The following XKR4 variants were observed in gnomAD, a reference collection of about 807,000 sequenced individuals.
The protein encoded by XKR4 is XK-related protein 4.
XKR4 carries 12 observed loss-of-function variants against 53.9 expected under a neutral mutation model. That is an observed-to-expected ratio of 0.22 (90% CI 0.14 to 0.36). The LOEUF (loss-of-function observed/expected upper bound fraction) is 0.36, where lower values mean the gene tolerates loss of function less well. XKR4 is among the 10% of genes least tolerant of loss of function. The pLI is 1.00. For missense variants in XKR4, 799 were observed against 859.5 expected, an observed-to-expected ratio of 0.93 and a Z score of 0.88; for synonymous variants, 354 against 362.4, an observed-to-expected ratio of 0.98 and a Z score of 0.26.
At chr8:55,388,990 G>C (rs1804395473) in intron 2 of XKR4, among the ~76,000 whole-genome samples, 1 of 152,218 alleles carries the variant, frequency 6.6e-6, no homozygotes, top group Non-Finnish European at 1.5e-5. Flanking sequence ...AATTAGCTAA[G>C]ATGAGGTGAT....
At chr8:55,129,603 C>A (rs927577945) in intron 1 of XKR4, among the ~76,000 whole-genome samples, 1 of 152,096 alleles carries the variant, frequency 6.6e-6, no homozygotes, top group Non-Finnish European at 1.5e-5. Flanking sequence ...GAGTGGTGGA[C>A]AGACTCGGGG....
chr8:55,115,974 G>A (rs1287607181), intron 1 of XKR4, among the ~76,000 whole-genome samples: 1 of 152,222 alleles, frequency 6.6e-6, no homozygotes, highest in Non-Finnish European at 1.5e-5. Flanking sequence ...CACAACAGTG[G>A]TGGATGCTGA....
intron 1 of XKR4, among the ~76,000 whole-genome samples, chr8:55,264,365 T>G (rs974335218): frequency 6.6e-6 from 1 of 152,258 alleles, no homozygotes; most frequent in Non-Finnish European, 1.5e-5. Context: ...AACAGAAATT[T>G]TGCCTATTTT....
At chr8:55,353,708 C>CA (rs750889970) in intron 1 of XKR4, among the ~76,000 whole-genome samples, 1 of 152,128 alleles carries the variant, frequency 6.6e-6, no homozygotes, top group Non-Finnish European at 1.5e-5. Flanking sequence ...GCCTGGCAGT[C>CA]AGAGAATCAG....
intron 1 of XKR4, among the ~76,000 whole-genome samples, chr8:55,269,487 A>G (rs1818657658): frequency 6.6e-6 from 1 of 152,194 alleles, no homozygotes; most frequent in African/African-American, 2.4e-5. Flanking sequence ...ATAAAAATAT[A>G]CATTTATATG....
intron 2 of XKR4, among the ~76,000 whole-genome samples, chr8:55,514,947 T>A (rs1271020479): frequency 1.3e-5 from 2 of 152,174 alleles, no homozygotes; most frequent in Admixed American, 1.3e-4. Flanking sequence ...TCTTGAGAAA[T>A]TTTAATAAAA....
At chr8:55,173,462 C>T (rs372795850) in intron 1 of XKR4, among the ~76,000 whole-genome samples, 5 of 152,102 alleles carry the variant, frequency 3.3e-5, no homozygotes, top group Admixed American at 6.6e-5. Flanking sequence ...TCTGAAAGAA[C>T]GTATAGCTTT....
chr8:55,142,252 C>T (rs1210407185), intron 1 of XKR4: 2 of 451,340 alleles, frequency 4.4e-6, no homozygotes, highest in African/African-American at 4.0e-5. Context: ...TAGACCTCTC[C>T]TCGTAGGAGA....
rs2129406161 is a variant in XKR4 at position 55,524,969 on chromosome 8, A to G, written c.*742A>G. 1 of 152,764 alleles carries G rather than the reference A, an allele frequency of 6.5e-6. No homozygotes were observed. Among genetic ancestry groups the G allele is most frequent in the African/African-American group, 2.4e-5 (1 of 41,570 alleles). The allele number at this position is 152,764 out of a possible 1,614,324, so 9.5% of individuals were successfully genotyped here. On this transcript the variant is annotated 3_prime_UTR_variant, in exon 3 of 3. Coordinates refer to ENST00000327381, the MANE Select transcript of XKR4 (RefSeq NM_052898.2). ...CAGCCCATGTACGGCTTTCAACAAG[A>G]CCAAGGAGCTCAATAACTTCATGAT...
intron 1 of XKR4, among the ~76,000 whole-genome samples, chr8:55,180,735 G>A (rs1271247109): frequency 1.3e-5 from 2 of 152,132 alleles, no homozygotes; most frequent in Non-Finnish European, 2.9e-5. Flanking sequence ...GTTTCACCAT[G>A]TTAGCCAGGC....
At chr8:55,247,866 T>TTTTC (rs1818306893) in intron 1 of XKR4, among the ~76,000 whole-genome samples, 1 of 128,326 alleles carries the variant, frequency 7.8e-6, no homozygotes, top group Non-Finnish European at 1.7e-5. Context: ...TTTTTTTTTT[T>TTTTC]TTTTTTTTGA....
At position 55,334,623 on chromosome 8, in the gene XKR4, CATAAAGACCAACCTCAT is replaced by C. The variant is rs1471069245; in HGVS notation, c.807-23051_807-23035del. ...CTCTTCACTCCCAACTTCATGCCGT[CATAAAGACCAACCTCAT>C]ATACCTGTGCATTTCAGAATTTTAA... On this transcript the variant is annotated intron_variant, in intron 1 of 2. Coordinates refer to ENST00000327381, the MANE Select transcript of XKR4 (RefSeq NM_052898.2). 4.6e-5 allele frequency among the ~76,000 whole-genome samples: 7 copies of C among 152,236 alleles called. No homozygotes were observed. In the East Asian group the frequency reaches 1.4e-3, roughly 29 times the overall value.
At chr8:55,144,013 C>G (rs1408540692) in intron 1 of XKR4, among the ~76,000 whole-genome samples, 1 of 152,194 alleles carries the variant, frequency 6.6e-6, no homozygotes, top group Non-Finnish European at 1.5e-5. Flanking sequence ...TACTTCTCCC[C>G]TAATTCAAAT....
At chr8:55,511,161 C>T (rs921785507) in intron 2 of XKR4, among the ~76,000 whole-genome samples, 10 of 152,086 alleles carry the variant, frequency 6.6e-5, no homozygotes, top group African/African-American at 9.7e-5. Context: ...GGACAGAAGC[C>T]GTGGTTCCAG....
At chr8:55,463,001 C>T (rs1158348562) in intron 2 of XKR4, among the ~76,000 whole-genome samples, 3 of 152,192 alleles carry the variant, frequency 2.0e-5, no homozygotes, top group African/African-American at 7.2e-5. Flanking sequence ...TACAAAGAGA[C>T]TTACACTCCC....
intron 2 of XKR4, chr8:55,452,249 G>T: frequency 1.6e-6 from 1 of 643,152 alleles, no homozygotes. Flanking sequence ...GCTGCAGCCC[G>T]TCCTGCAATA....
chr8:55,387,628 C>T (rs55889184), intron 2 of XKR4, among the ~76,000 whole-genome samples: 15,555 of 152,200 alleles, frequency 0.1, 1,573 homozygotes, highest in African/African-American at 0.26. Context: ...AGGACATAGA[C>T]CTTCTGCCCT....
intron 1 of XKR4, among the ~76,000 whole-genome samples, chr8:55,120,629 T>A (rs1404576447): frequency 3.3e-5 from 5 of 151,998 alleles, no homozygotes; most frequent in Non-Finnish European, 7.4e-5. Flanking sequence ...CCATATGCCC[T>A]CTTCCCCTTC....
At chr8:55,164,289 C>A (rs575360760) in intron 1 of XKR4, 1 of 455,994 alleles carries the variant, frequency 2.2e-6, no homozygotes, top group Non-Finnish European at 4.4e-6. Context: ...CGTCCATTCT[C>A]CTAGTGGGCA....
Sources: allele counts gnomAD v4.1 joint callset (sites outside exome capture counted in the v4.1 genomes callset), GRCh38; gene constraint gnomAD v4.1.1; transcripts MANE v1.5; gene names NCBI Gene and HGNC (gene_info 2026-07-23, HGNC 2026-07-21).